KDM3B: variants seen among roughly 807,000 people sequenced by gnomAD.
The protein encoded by KDM3B is lysine demethylase 3B.
In KDM3B, 10 loss-of-function variants were observed where a neutral mutation model predicts 170.0. The ratio of observed to expected loss-of-function variants is 0.06; its 90% CI spans 0.04 to 0.10. The LOEUF (loss-of-function observed/expected upper bound fraction) is 0.10. KDM3B is among the 10% of genes least tolerant of loss of function. KDM3B has a pLI of 1.00. For missense variants in KDM3B, 1,394 were observed against 2,195.2 expected (o/e 0.64, Z 7.29); for synonymous variants, 831 against 834.8 (o/e 1.00, Z 0.08).
intron 23 of KDM3B, 44 bp from the exon 24 acceptor site, chr5:138,435,576 G>A: frequency 6.7e-7 from 1 of 1,489,610 alleles, no homozygotes; most frequent in East Asian, 2.3e-5. Flanking sequence ...ACGTACATTT[G>A]CATGGGGCTG....
chr5:138,383,207 T>C (rs1762169546), intron 6 of KDM3B, among the ~76,000 whole-genome samples: 2 of 151,908 alleles, frequency 1.3e-5, no homozygotes, highest in Admixed American at 1.3e-4. Context: ...GGGGTGATCT[T>C]GGCTCACTGC....
At chr5:138,403,266 C>T (rs1490136303) in intron 11 of KDM3B, among the ~76,000 whole-genome samples, 1 of 152,200 alleles carries the variant, frequency 6.6e-6, no homozygotes, top group Non-Finnish European at 1.5e-5. Flanking sequence ...AAGTCACAAC[C>T]TTGCATTTAA....
Position 138,391,367 on chromosome 5 carries a change from A to T in KDM3B, c.1735A>T (p.Thr579Ser), listed in dbSNP as rs755151595. The T allele has an allele frequency of 1.9e-6, 3 of 1,614,152 alleles. No individual in the cohort carries two copies. Among genetic ancestry groups the T allele is most frequent in the Non-Finnish European group, 2.5e-6 (3 of 1,180,006 alleles). Reference protein sequence around the residue: ...CKGRSVLGTDTKPGSKAGSSV... With the variant: ...CKGRSVLGTDSKPGSKAGSSV... Reference sequence around the variant, plus strand: ...AGGCAGATCCGTTCTTGGAACAGACACTAAGCCAGGCTCTAAGGCTGGCAG... The same window carrying T: ...AGGCAGATCCGTTCTTGGAACAGACTCTAAGCCAGGCTCTAAGGCTGGCAG... Residue 579 changes from threonine to serine, a missense_variant, in exon 8 of 24, where the codon ACT becomes TCT. By Grantham distance (58) the Thr-to-Ser change is moderately conservative. This residue lies in a region of KDM3B where 294 missense variants were observed against 311.7 expected (regional missense o/e 0.94). Transcript: ENST00000314358. The surrounding 1 kb of genome is among the most constrained non-coding windows in gnomAD (Gnocchi z 5.0).
intron 1 of KDM3B, among the ~76,000 whole-genome samples, chr5:138,370,188 T>G (rs1761839405): frequency 1.3e-5 from 2 of 152,234 alleles, no homozygotes; most frequent in African/African-American, 4.8e-5. Flanking sequence ...GTCCTTTTTC[T>G]TAGTAAAAAT....
chr5:138,385,824 A>G (rs544842108), intron 6 of KDM3B, among the ~76,000 whole-genome samples, 198 bp from the exon 7 acceptor site: 1 of 152,220 alleles, frequency 6.6e-6, no homozygotes, highest in Non-Finnish European at 1.5e-5. Context: ...TCTAGTAACT[A>G]TTATCTTGAA....
At position 138,383,676 on chromosome 5, in the gene KDM3B, TGA is replaced by T. The variant is rs538126866; in HGVS notation, c.780+2089_780+2090del. Among the ~76,000 whole-genome samples the T allele has an allele frequency of 9.4e-3, 1,428 of 152,154 alleles. 10 individuals are homozygous for T. Among genetic ancestry groups the T allele is most frequent in the Non-Finnish European group, 0.016 (1,098 of 68,014 alleles). ...GTGAAAACTGGGTGGTGATAGAGAT[TGA>T]GAAAGAATTTAAAAGCTTTTAAAAA... On this transcript the variant is annotated intron_variant, in intron 6 of 23. Transcript: ENST00000314358.
intron 4 of KDM3B, among the ~76,000 whole-genome samples, chr5:138,379,151 A>AAACAT (rs762667281): frequency 3.3e-5 from 5 of 152,196 alleles, no homozygotes; most frequent in South Asian, 2.1e-4. Context: ...GGTCATATAT[A>AAACAT]AACATAACAT....
At chr5:138,423,384 G>T (rs1482698204) in intron 15 of KDM3B, among the ~76,000 whole-genome samples, 4 of 152,156 alleles carry the variant, frequency 2.6e-5, no homozygotes, top group African/African-American at 9.7e-5. Flanking sequence ...TAGAGATAGG[G>T]ATTAGTAATA....
chr5:138,368,215 C>G (rs142833838), intron 1 of KDM3B, among the ~76,000 whole-genome samples: 15 of 150,790 alleles, frequency 9.9e-5, no homozygotes, highest in Admixed American at 4.6e-4. Flanking sequence ...AATGGTTGTT[C>G]TTCTTCTTTT....
intron 1 of KDM3B, among the ~76,000 whole-genome samples, chr5:138,361,327 GGGCTGAAAC>G (rs1761604040): frequency 7.8e-6 from 1 of 128,280 alleles, no homozygotes; most frequent in Non-Finnish European, 1.6e-5. Flanking sequence ...AGTTTTCTAA[GGGCTGAAAC>G]TCCTTTTTTT....
intron 12 of KDM3B, 101 bp from the exon 13 acceptor site, chr5:138,417,382 T>G (rs768574447): frequency 4.2e-5 from 47 of 1,131,820 alleles, no homozygotes; most frequent in Non-Finnish European, 5.2e-5. Context: ...TATTGAAATG[T>G]GGTAAGGATT....
intron 11 of KDM3B, among the ~76,000 whole-genome samples, chr5:138,405,389 C>T (rs898712530): frequency 6.6e-6 from 1 of 152,078 alleles, no homozygotes; most frequent in African/African-American, 2.4e-5. Flanking sequence ...TGCCTGTGGT[C>T]GCAGCTACTT....
chr5:138,413,921 G>C (rs910720811), intron 11 of KDM3B, among the ~76,000 whole-genome samples: 1 of 151,984 alleles, frequency 6.6e-6, no homozygotes, highest in African/African-American at 2.4e-5. Flanking sequence ...ACCCAGCCGT[G>C]TAGCAGCTTT....
At chr5:138,418,061 CAGTTTT>C (rs1052738721) in intron 13 of KDM3B, 1 of 142,660 alleles carries the variant, frequency 7.0e-6, no homozygotes, top group African/African-American at 2.6e-5. Flanking sequence ...ATTGCTTTGT[CAGTTTT>C]GGTTTTGGTT....
At chr5:138,359,213 G>T (rs1443508539) in intron 1 of KDM3B, among the ~76,000 whole-genome samples, 2 of 151,504 alleles carry the variant, frequency 1.3e-5, no homozygotes, top group Admixed American at 1.3e-4. Context: ...CCAGGCTGGA[G>T]TGCAGTGGTG....
intron 9 of KDM3B, among the ~76,000 whole-genome samples, chr5:138,396,241 G>A (rs762808927): frequency 1.1e-4 from 17 of 152,144 alleles, no homozygotes; most frequent in Non-Finnish European, 2.4e-4. Flanking sequence ...GACTACAGGT[G>A]CCCGCCACCA....
At chr5:138,411,195 A>C (rs905146804) in intron 11 of KDM3B, among the ~76,000 whole-genome samples, 1 of 152,256 alleles carries the variant, frequency 6.6e-6, no homozygotes, top group African/African-American at 2.4e-5. Flanking sequence ...CGTCACCGCT[A>C]GACCAAGGAG....
intron 1 of KDM3B, among the ~76,000 whole-genome samples, chr5:138,353,869 A>C (rs1284449416): frequency 1.3e-5 from 2 of 152,120 alleles, no homozygotes; most frequent in African/African-American, 4.8e-5. Context: ...GGTAAAATAT[A>C]GTGTTTGAGT....
At chr5:138,429,393 G>A (rs923278776) in intron 20 of KDM3B, among the ~76,000 whole-genome samples, 1 of 152,098 alleles carries the variant, frequency 6.6e-6, no homozygotes, top group Non-Finnish European at 1.5e-5. Flanking sequence ...CATTCATTAT[G>A]GTGTAGGTCA....
Sources: gnomAD v4.1 joint callset for allele counts (sites outside exome capture counted in the v4.1 genomes callset) on GRCh38, gnomAD v4.1.1 for gene constraint, gnomAD v4.1.1 regional missense constraint, Gnocchi (gnomAD v3.1) non-coding constraint, MANE v1.5 for transcripts, NCBI Gene and HGNC (gene_info 2026-07-23, HGNC 2026-07-21) for gene names.